Variants in KDM4C observed in about 807,000 individuals in gnomAD.
KDM4C encodes lysine-specific demethylase 4C.
In KDM4C, 81 loss-of-function variants were observed where a neutral mutation model predicts 129.3. The observed-to-expected ratio is 0.63, with a 90% CI of 0.52 to 0.75. KDM4C has a LOEUF of 0.75. Among genes scored for constraint, KDM4C ranks in the 30% least tolerant of loss-of-function variants. The pLI is 0.00. For missense variants in KDM4C, 1,457 were observed against 1,304.0 expected (o/e 1.12, Z -1.81); for synonymous variants, 573 against 456.1 (o/e 1.26, Z -3.26).
rs190751169 is a variant in KDM4C, at chr9:6,900,454, A to G, written c.921+7222A>G. On this transcript the variant is annotated intron_variant, in intron 8 of 21. Transcript: ENST00000381309. ...AAGTGGCTTTGGACTCTATCTCACA[A>G]TTGGTTGAGTTTGGATTCCTAAAGT... Among the ~76,000 whole-genome samples, 8 of 152,292 alleles carry G rather than the reference A, an allele frequency of 5.3e-5. No individual in the cohort carries two copies. The East Asian group carries it at 7.7e-4, about 15-fold the overall frequency.
At chr9:6,909,884 A>G (rs573235138) in intron 8 of KDM4C, among the ~76,000 whole-genome samples, 1 of 152,324 alleles carries the variant, frequency 6.6e-6, no homozygotes, top group South Asian at 2.1e-4. Context: ...TTGAAGCGGC[A>G]CATCATTGGT....
chr9:6,748,256 C>T (rs1817949137), intron 1 of KDM4C, among the ~76,000 whole-genome samples: 1 of 151,474 alleles, frequency 6.6e-6, no homozygotes, highest in South Asian at 2.1e-4. Flanking sequence ...GCCTGTAATC[C>T]CAGCACTTTG....
At chr9:6,910,125 T>C (rs909269606) in intron 8 of KDM4C, among the ~76,000 whole-genome samples, 5 of 152,162 alleles carry the variant, frequency 3.3e-5, no homozygotes, top group African/African-American at 4.8e-5. Flanking sequence ...TTTAAGGAAA[T>C]TTGATACATC....
intron 17 of KDM4C, among the ~76,000 whole-genome samples, chr9:7,069,217 C>T (rs898007596): frequency 2.0e-5 from 3 of 152,084 alleles, no homozygotes; most frequent in East Asian, 3.9e-4. Context: ...ACCATTACAA[C>T]AGTGAAATGA....
At chr9:6,860,327 A>T (rs1247474213) in intron 5 of KDM4C, among the ~76,000 whole-genome samples, 2 of 152,134 alleles carry the variant, frequency 1.3e-5, no homozygotes, top group African/African-American at 4.8e-5. Context: ...CCCACATTTG[A>T]AGGATTGAGT....
chr9:7,065,648 C>T (rs1377369907), intron 17 of KDM4C, among the ~76,000 whole-genome samples: 1 of 152,156 alleles, frequency 6.6e-6, no homozygotes, highest in Non-Finnish European at 1.5e-5. Context: ...GATGAATTGA[C>T]CGTGTCAAAA....
intron 1 of KDM4C, among the ~76,000 whole-genome samples, chr9:6,760,936 G>T (rs1287326587): frequency 6.6e-6 from 1 of 150,902 alleles, no homozygotes; most frequent in African/African-American, 2.4e-5. Flanking sequence ...GCCAACTTCA[G>T]TTCTCCAGTT....
At chr9:7,077,153 C>T (rs1021866411) in intron 17 of KDM4C, 17 of 985,332 alleles carry the variant, frequency 1.7e-5, no homozygotes, top group South Asian at 4.7e-5. Flanking sequence ...ATGTTGAGAA[C>T]GGACCTGTTG....
intron 1 of KDM4C, among the ~76,000 whole-genome samples, chr9:6,788,163 T>TC (rs1170069866): frequency 1.3e-5 from 2 of 152,128 alleles, no homozygotes; most frequent in Admixed American, 6.5e-5. Context: ...TAGCCACCCC[T>TC]CCCCTTTGCA....
At chr9:6,792,511 C>G (rs1169159884) in intron 1 of KDM4C, among the ~76,000 whole-genome samples, 1 of 151,868 alleles carries the variant, frequency 6.6e-6, no homozygotes, top group Non-Finnish European at 1.5e-5. Context: ...GCCTCAGCCT[C>G]CTGAGTAACT....
At chr9:6,944,111 A>G (rs572063850) in intron 8 of KDM4C, among the ~76,000 whole-genome samples, 1 of 152,320 alleles carries the variant, frequency 6.6e-6, no homozygotes, top group Admixed American at 6.5e-5. Flanking sequence ...ATTTTGTCGA[A>G]TTATGTGTTG....
At chr9:6,955,187 A>C (rs1352649296) in intron 8 of KDM4C, among the ~76,000 whole-genome samples, 1 of 152,194 alleles carries the variant, frequency 6.6e-6, no homozygotes, top group African/African-American at 2.4e-5. Flanking sequence ...ATTTTAGCAG[A>C]AATTCTTCTA....
At chr9:7,022,637 C>A (rs373928704) in intron 15 of KDM4C, among the ~76,000 whole-genome samples, 2 of 133,974 alleles carry the variant, frequency 1.5e-5, no homozygotes, top group Admixed American at 1.5e-4. Context: ...CCCTTTATTT[C>A]TTTTTTTTTT....
intron 4 of KDM4C, among the ~76,000 whole-genome samples, chr9:6,827,033 A>C (rs1834000890): frequency 6.6e-6 from 1 of 152,200 alleles, no homozygotes; most frequent in Admixed American, 6.6e-5. Context: ...GGCAGGGCAC[A>C]GTCCACAGTG....
intron 8 of KDM4C, among the ~76,000 whole-genome samples, chr9:6,960,100 C>G (rs1181934326): frequency 6.6e-6 from 1 of 151,780 alleles, no homozygotes; most frequent in Admixed American, 6.6e-5. Context: ...GGGGTCAAGA[C>G]CTTCCCAAAG....
intron 8 of KDM4C, among the ~76,000 whole-genome samples, chr9:6,924,510 C>T (rs1276516327): frequency 6.6e-6 from 1 of 152,180 alleles, no homozygotes; most frequent in East Asian, 1.9e-4. Context: ...TGGGGAATTA[C>T]ACTCTTCTCT....
intron 1 of KDM4C, among the ~76,000 whole-genome samples, chr9:6,728,094 A>T (rs1237980496): frequency 7.4e-6 from 1 of 135,608 alleles, no homozygotes; most frequent in East Asian, 2.1e-4. Flanking sequence ...AAAAAAAAAA[A>T]GTGTTATACA....
intron 1 of KDM4C, among the ~76,000 whole-genome samples, chr9:6,744,840 C>T (rs1817824232): frequency 1.3e-5 from 2 of 151,672 alleles, no homozygotes; most frequent in East Asian, 1.9e-4. Context: ...CTGCAGAAGG[C>T]ACCAGGGCAA....
chr9:6,813,000 A>AC (rs1161538558), intron 3 of KDM4C, among the ~76,000 whole-genome samples: 1 of 152,096 alleles, frequency 6.6e-6, no homozygotes, highest in East Asian at 1.9e-4. Context: ...ACATGGAGAA[A>AC]CCCCGTCTCT....
Sources: gnomAD v4.1 joint callset for allele counts (sites outside exome capture counted in the v4.1 genomes callset) on GRCh38, gnomAD v4.1.1 for gene constraint, MANE v1.5 for transcripts, NCBI Gene and HGNC (gene_info 2026-07-23, HGNC 2026-07-21) for gene names.